The following IL1RAP variants were observed in gnomAD, a reference collection of about 807,000 sequenced individuals.
IL1RAP encodes the protein interleukin-1 receptor accessory protein.
IL1RAP carries 35 observed loss-of-function variants against 60.7 expected under a neutral mutation model. The observed-to-expected ratio is 0.58, with a 90% CI of 0.44 to 0.76. The LOEUF is 0.76. Among genes scored for constraint, IL1RAP ranks in the 30% least tolerant of loss-of-function variants. The pLI is 0.00. For synonymous variants in IL1RAP, 268 were observed against 250.9 expected (o/e 1.07, Z -0.64); for missense variants, 572 against 693.9 (o/e 0.82, Z 1.97).
At chr3:190,646,003 A>G (rs1278026052) in intron 11 of IL1RAP, among the ~76,000 whole-genome samples, 161 bp downstream of exon 11, 15 of 152,214 alleles carry the variant, frequency 9.9e-5, no homozygotes, top group Non-Finnish European at 7.3e-5. Flanking sequence ...TACGTTGGAA[A>G]TGTATACTAT....
intron 3 of IL1RAP, among the ~76,000 whole-genome samples, chr3:190,581,435 GC>G (rs1458430469): frequency 4.6e-5 from 7 of 152,192 alleles, no homozygotes; most frequent in Admixed American, 4.6e-4. Flanking sequence ...ACCAGTTGGT[GC>G]TCTGTATTAT....
At chr3:190,572,414 A>T (rs947381734) in intron 3 of IL1RAP, among the ~76,000 whole-genome samples, 3 of 151,862 alleles carry the variant, frequency 2.0e-5, no homozygotes, top group African/African-American at 7.3e-5. Flanking sequence ...GAGAAGAAGG[A>T]GAGAAAAGAG....
intron 11 of IL1RAP, among the ~76,000 whole-genome samples, chr3:190,646,777 T>C (rs528651266): frequency 5.3e-5 from 8 of 152,336 alleles, no homozygotes; most frequent in Non-Finnish European, 1.0e-4. Flanking sequence ...ATAATTGAGA[T>C]AGACTTGAAA....
At chr3:190,540,429 T>C (rs1245524510) in intron 1 of IL1RAP, among the ~76,000 whole-genome samples, 6 of 152,140 alleles carry the variant, frequency 3.9e-5, no homozygotes, top group Non-Finnish European at 7.4e-5. Context: ...AAAATCCTTT[T>C]TATGAACCTG....
intron 1 of IL1RAP, among the ~76,000 whole-genome samples, chr3:190,534,663 C>T (rs1426485029): frequency 6.6e-6 from 1 of 152,034 alleles, no homozygotes; most frequent in African/African-American, 2.4e-5. Context: ...TTCCTGGATA[C>T]AAATGGTATG....
At position 190,620,430 on chromosome 3, in the gene IL1RAP, A is replaced by T; in HGVS notation, c.693A>T (p.Val231=). 1 of 1,611,720 alleles carries T rather than the reference A, an allele frequency of 6.2e-7. No homozygotes were observed. Among genetic ancestry groups the T allele is most frequent in the Non-Finnish European group, 8.5e-7 (1 of 1,179,138 alleles). ...TTCATCTCACCAGGACTCTGACTGT[A>T]AAGGTAGTAGGTAAGCATGATTAGT... ...RTFHLTRTLT[V]KVVGSPKNAV... Residue 231 remains valine, a synonymous_variant, in exon 6 of 12, where the codon GTA becomes GTT. Transcript: ENST00000447382.
At chr3:190,598,369 G>T (rs1448291093) in intron 3 of IL1RAP, among the ~76,000 whole-genome samples, 1 of 151,504 alleles carries the variant, frequency 6.6e-6, no homozygotes, top group Non-Finnish European at 1.5e-5. Context: ...TGACTGTCAA[G>T]CCAATACATA....
chr3:190,648,131 A>G (rs1221752932), intron 11 of IL1RAP, among the ~76,000 whole-genome samples: 1 of 152,180 alleles, frequency 6.6e-6, no homozygotes, highest in South Asian at 2.1e-4. Flanking sequence ...ATATGTGTAT[A>G]TAGTTTCTGT....
At chr3:190,639,235 T>C (rs1733467834) in intron 9 of IL1RAP, among the ~76,000 whole-genome samples, 1 of 152,172 alleles carries the variant, frequency 6.6e-6, no homozygotes, top group South Asian at 2.1e-4. Context: ...ACTCTTTCTC[T>C]TCTTTTAGTA....
chr3:190,629,313 C>A, intron 8 of IL1RAP, 37 bp from the exon 9 acceptor site: 1 of 1,471,546 alleles, frequency 6.8e-7, no homozygotes, highest in Non-Finnish European at 9.3e-7. Context: ...TCTTGAGTCA[C>A]TCTCAAATGC....
chr3:190,589,080 A>G (rs888815140), intron 3 of IL1RAP, among the ~76,000 whole-genome samples: 3 of 152,098 alleles, frequency 2.0e-5, no homozygotes, highest in Non-Finnish European at 4.4e-5. Context: ...ATGGGGCTGG[A>G]TGATTTTTGA....
chr3:190,530,298 C>A (rs894876995), intron 1 of IL1RAP, among the ~76,000 whole-genome samples: 1 of 152,050 alleles, frequency 6.6e-6, no homozygotes, highest in Non-Finnish European at 1.5e-5. Context: ...CATGGAGACA[C>A]AATGAATATT....
intron 2 of IL1RAP, among the ~76,000 whole-genome samples, chr3:190,560,590 C>T (rs1261239872): frequency 1.3e-5 from 2 of 152,102 alleles, no homozygotes; most frequent in East Asian, 1.9e-4. Context: ...CAAATCCAGT[C>T]CTGTGATCTG....
chr3:190,560,181 A>C (rs1725763525), intron 2 of IL1RAP, among the ~76,000 whole-genome samples: 1 of 152,156 alleles, frequency 6.6e-6, no homozygotes, highest in Non-Finnish European at 1.5e-5. Flanking sequence ...TGCCAGACCT[A>C]CTCAGACTTT....
chr3:190,537,271 G>A (rs1723546428), intron 1 of IL1RAP, among the ~76,000 whole-genome samples: 1 of 151,998 alleles, frequency 6.6e-6, no homozygotes, highest in South Asian at 2.1e-4. Context: ...GCCCATTAGA[G>A]TTTGGCAACC....
chr3:190,581,528 T>C (rs1320638152), intron 3 of IL1RAP, among the ~76,000 whole-genome samples: 1 of 152,176 alleles, frequency 6.6e-6, no homozygotes, highest in Non-Finnish European at 1.5e-5. Flanking sequence ...AGCAAACCCT[T>C]GCCCAGCAGA....
Position 190,650,827 on chromosome 3 carries a change from T to C in IL1RAP, c.*2122T>C. On this transcript the variant is annotated 3_prime_UTR_variant, in exon 12 of 12. Transcript: ENST00000447382. ...CAGATAAGCTTTGAATATCAATTCT[T>C]ACATAAACTTTAGGCAAACAGGGAA... 1.0e-6 allele frequency: 1 copy of C among 985,264 alleles called. No individual in the cohort carries two copies. The highest frequency in any genetic ancestry group is 1.2e-6 in the Non-Finnish European group (1 of 829,770). The allele number at this position is 985,264 out of a possible 1,614,324, so 61.0% of individuals were successfully genotyped here.
intron 1 of IL1RAP, among the ~76,000 whole-genome samples, chr3:190,531,400 T>G (rs935072957): frequency 2.6e-5 from 4 of 152,182 alleles, no homozygotes; most frequent in Non-Finnish European, 5.9e-5. Flanking sequence ...TGAAGTATTT[T>G]TACTGCCTTT....
intron 1 of IL1RAP, among the ~76,000 whole-genome samples, chr3:190,550,803 AT>A (rs1247868841): frequency 1.3e-5 from 2 of 152,260 alleles, no homozygotes; most frequent in African/African-American, 4.8e-5. Context: ...TGAATTTAGA[AT>A]TTAATGACAA....
Sources: gnomAD v4.1 joint callset for allele counts (sites outside exome capture counted in the v4.1 genomes callset) on GRCh38, gnomAD v4.1.1 for gene constraint, MANE v1.5 for transcripts, NCBI Gene and HGNC (gene_info 2026-07-23, HGNC 2026-07-21) for gene names.